FBLIM1: variants seen among roughly 807,000 people sequenced by gnomAD.
FBLIM1 encodes filamin binding LIM protein 1, also known as filamin-binding LIM protein 1.
FBLIM1 carries 29 observed loss-of-function variants against 37.4 expected under a neutral mutation model. That is an observed-to-expected ratio of 0.77 (90% CI 0.58 to 1.06). The LOEUF (loss-of-function observed/expected upper bound fraction) is 1.06. FBLIM1 is among the 50% of genes least tolerant of loss of function. The probability of loss-of-function intolerance (pLI) is 0.00; values close to 1 mark genes in which losing one functional copy is unlikely to be tolerated. For missense variants in FBLIM1, 449 were observed against 505.6 expected (o/e 0.89, Z 1.07); for synonymous variants, 193 against 199.0 (o/e 0.97, Z 0.25).
chr1:15,772,433 C>T (rs893237059), intron 6 of FBLIM1, among the ~76,000 whole-genome samples: 4 of 151,986 alleles, frequency 2.6e-5, no homozygotes, highest in African/African-American at 9.7e-5. Flanking sequence ...GAGCAGTGTG[C>T]TGGGGAGAGA....
At chr1:15,763,793 C>A (rs1245869702) in intron 1 of FBLIM1, among the ~76,000 whole-genome samples, 2 of 151,802 alleles carry the variant, frequency 1.3e-5, no homozygotes, top group African/African-American at 4.8e-5. Context: ...GTGCCCACCA[C>A]CACGCATGGC....
chr1:15,785,015 G>A lies in FBLIM1; in HGVS notation c.*354G>A, dbSNP rs2069738634. The stretch of plus-strand genomic sequence containing the variant: ...CGCCTGTGGGGTTGAGCTGTTTGAG[G>A]ACAAACTCCAAGGTCCCTTAAAAAG... On this transcript the variant is annotated 3_prime_UTR_variant, in exon 9 of 9. Coordinates refer to ENST00000375766, the MANE Select transcript of FBLIM1 (RefSeq NM_017556.4). The A allele has an allele frequency of 5.2e-6, 1 of 191,930 alleles. No homozygotes were observed. The highest frequency in any genetic ancestry group is 2.3e-5 in the African/African-American group (1 of 43,620). The allele number at this position is 191,930 out of a possible 1,614,324, so 11.9% of individuals were successfully genotyped here.
chr1:15,762,260 G>GTT lies in FBLIM1; in HGVS notation c.-210-2216_-210-2215dup, dbSNP rs57122494. 1.5e-3 allele frequency among the ~76,000 whole-genome samples: 168 copies of GTT among 108,608 alleles called. 1 individual carries two copies. Among genetic ancestry groups the GTT allele is most frequent in the East Asian group, 3.1e-3 (11 of 3,588 alleles). 71.3% of individuals were successfully genotyped at this position (108,608 alleles called of 152,430 possible). On this transcript the variant is annotated intron_variant, in intron 1 of 8. Transcript: ENST00000375766. ...GCATGCCACCATTTCTGGCTAATTT[G>GTT]TTTTTTTTTTTTTTTTTTTTTGAGA...
At chr1:15,782,799 C>T (rs2069675677) in intron 8 of FBLIM1, among the ~76,000 whole-genome samples, 1 of 137,648 alleles carries the variant, frequency 7.3e-6, no homozygotes, top group African/African-American at 2.7e-5. Context: ...AAAGTAGTCC[C>T]TATAGGGACT....
intron 8 of FBLIM1, among the ~76,000 whole-genome samples, chr1:15,783,354 C>G (rs974783607): frequency 1.3e-5 from 2 of 152,028 alleles, no homozygotes; most frequent in Non-Finnish European, 2.9e-5. Flanking sequence ...CACAGAAAGG[C>G]CCCTGGAGCC....
rs538047934 is a variant in FBLIM1, at chr1:15,763,219, G to A, written c.-210-1277G>A. ...CAAGTAGCTGGGATTACAGGCGCCC[G>A]CCAGCACACCCAGCTAATTTTTGTA... On this transcript the variant is annotated intron_variant, in intron 1 of 8. Transcript: ENST00000375766. Among the ~76,000 whole-genome samples, 474 of 151,654 alleles carry A rather than the reference G, an allele frequency of 3.1e-3. 3 individuals carry two copies. The highest frequency in any genetic ancestry group is 5.3e-3 in the Non-Finnish European group (357 of 67,836).
chr1:15,783,354 C>A (rs974783607), intron 8 of FBLIM1, among the ~76,000 whole-genome samples: 1 of 152,028 alleles, frequency 6.6e-6, no homozygotes, highest in Non-Finnish European at 1.5e-5. Context: ...CACAGAAAGG[C>A]CCCTGGAGCC....
intron 8 of FBLIM1, among the ~76,000 whole-genome samples, chr1:15,780,065 T>A (rs1307293572): frequency 6.6e-6 from 1 of 151,500 alleles, no homozygotes; most frequent in Non-Finnish European, 1.5e-5. Flanking sequence ...TTTTTAAAAT[T>A]TTTGTAGAGT....
chr1:15,757,876 C>G (rs1017950163), upstream of FBLIM1: 5 of 152,286 alleles, frequency 3.3e-5, no homozygotes, highest in Non-Finnish European at 7.3e-5. This position sits in a 1 kb window ranked among gnomAD's most constrained non-coding sequence, Gnocchi z 4.1. Context: ...CCCTCCCGCT[C>G]CCGTCCTAAT....
intron 1 of FBLIM1, among the ~76,000 whole-genome samples, chr1:15,764,098 G>A (rs1245906956): frequency 6.6e-6 from 1 of 152,094 alleles, no homozygotes; most frequent in African/African-American, 2.4e-5. Flanking sequence ...ATTGGGTGGA[G>A]TGAGAGAGTC....
intron 8 of FBLIM1, among the ~76,000 whole-genome samples, chr1:15,781,811 C>T (rs1361931940): frequency 2.0e-5 from 3 of 150,302 alleles, no homozygotes; most frequent in African/African-American, 4.9e-5. Context: ...CTGCACCTCC[C>T]GGGTTCACGC....
intron 8 of FBLIM1, among the ~76,000 whole-genome samples, chr1:15,779,239 A>G (rs896856917): frequency 6.6e-6 from 1 of 151,650 alleles, no homozygotes; most frequent in African/African-American, 2.4e-5. Context: ...CCCAGCCTAG[A>G]TCAACTCTTT....
chr1:15,764,743 C>A, intron 2 of FBLIM1, 58 bp downstream of exon 2: 1 of 573,098 alleles, frequency 1.7e-6, no homozygotes, highest in Non-Finnish European at 3.0e-6. Context: ...GCAGTCAGGA[C>A]TTTTGGGTCT....
Position 15,767,452 on chromosome 1 carries a change from G to A in FBLIM1, c.327G>A (p.Pro109=), listed in dbSNP as rs138682032. ...TGGACCTCCTCCCACCCCCTCCACCGCCCCCTCCAGTGCTTCTGCCTTCTG... is the reference window on the plus strand; with the variant it reads ...TGGACCTCCTCCCACCCCCTCCACCACCCCCTCCAGTGCTTCTGCCTTCTG... The part of the protein sequence containing the change: ...PDLDLLPPPP[P]PPPVLLPSEE... Residue 109 remains proline, a synonymous_variant, in exon 4 of 9, where the codon CCG becomes CCA. Coordinates refer to ENST00000375766, the MANE Select transcript of FBLIM1 (RefSeq NM_017556.4). 98 of 446,806 alleles carry A rather than the reference G, an allele frequency of 2.2e-4. No individual in the cohort carries two copies. Among genetic ancestry groups the A allele is most frequent in the Non-Finnish European group, 2.8e-4 (89 of 313,686 alleles). The allele number at this position is 446,806 out of a possible 1,614,324, so 27.7% of individuals were successfully genotyped here. A position where few individuals can be genotyped will look rare whatever the true frequency, so the allele number is the denominator to read the frequency against.
At chr1:15,777,058 G>A (rs980368760) in intron 7 of FBLIM1, 112 bp from the exon 8 acceptor site, 10 of 765,822 alleles carry the variant, frequency 1.3e-5, no homozygotes, top group African/African-American at 3.5e-5. Context: ...CCATAGCAAC[G>A]GGACTGAAAT....
At chr1:15,766,275 T>A (rs2068916538) in intron 3 of FBLIM1, among the ~76,000 whole-genome samples, 1 of 151,766 alleles carries the variant, frequency 6.6e-6, no homozygotes, top group African/African-American at 2.4e-5. Context: ...GCCCAGCTAA[T>A]TTGTGTGTGT....
intron 8 of FBLIM1, among the ~76,000 whole-genome samples, chr1:15,780,247 G>A (rs2069602139): frequency 6.6e-6 from 1 of 151,652 alleles, no homozygotes; most frequent in Non-Finnish European, 1.5e-5. Flanking sequence ...TACCCAAGCT[G>A]GAGTACAGTG....
At chr1:15,762,000 G>A (rs1412584530) in intron 1 of FBLIM1, among the ~76,000 whole-genome samples, 1 of 152,110 alleles carries the variant, frequency 6.6e-6, no homozygotes, top group Non-Finnish European at 1.5e-5. Context: ...AGGGACTACT[G>A]TCAGCAGGAA....
At chr1:15,779,238 G>C (rs113279391) in intron 8 of FBLIM1, among the ~76,000 whole-genome samples, 19,014 of 150,442 alleles carry the variant, frequency 0.13, 1,642 homozygotes, top group Non-Finnish European at 0.18. Context: ...ACCCAGCCTA[G>C]ATCAACTCTT....
Sources: allele counts gnomAD v4.1 joint callset (sites outside exome capture counted in the v4.1 genomes callset), GRCh38; gene constraint gnomAD v4.1.1; non-coding constraint Gnocchi (gnomAD v3.1); transcripts MANE v1.5; gene names NCBI Gene and HGNC (gene_info 2026-07-23, HGNC 2026-07-21).